The following ZNF438 variants were observed in gnomAD, a reference collection of about 807,000 sequenced individuals.
ZNF438 encodes zinc finger protein 438.
In ZNF438, 25 loss-of-function variants were observed where a neutral mutation model predicts 38.0. That is an observed-to-expected ratio of 0.66 (90% CI 0.48 to 0.92). ZNF438 has a LOEUF of 0.92. Ranked by LOEUF, ZNF438 falls within the 40% of genes least tolerant of loss-of-function variation. The pLI is 0.00. For missense variants in ZNF438, 1,007 were observed against 999.6 expected (o/e 1.01, Z -0.10); for synonymous variants, 372 against 364.1 (o/e 1.02, Z -0.25).
chr10:30,949,053 C>T (rs1380166263), intron 1 of ZNF438, among the ~76,000 whole-genome samples: 6 of 152,136 alleles, frequency 3.9e-5, no homozygotes, highest in African/African-American at 9.6e-5. Flanking sequence ...GCGGATCTCT[C>T]GGCAGAAACC....
chr10:30,877,161 T>G, intron 3 of ZNF438, 96 bp from the exon 5 acceptor site: 1 of 586,956 alleles, frequency 1.7e-6, no homozygotes, highest in Non-Finnish European at 2.7e-6. Flanking sequence ...TTTTTAAAGT[T>G]TGTTTTATAA....
chr10:30,880,497 A>G (rs1276421984), intron 3 of ZNF438, among the ~76,000 whole-genome samples: 10 of 152,028 alleles, frequency 6.6e-5, no homozygotes, highest in Non-Finnish European at 1.3e-4. Context: ...AAGACAATAA[A>G]CAATAATAAC....
At chr10:30,950,726 TA>T (rs1446548232) in intron 1 of ZNF438, among the ~76,000 whole-genome samples, 10 of 140,266 alleles carry the variant, frequency 7.1e-5, no homozygotes, top group Admixed American at 5.0e-4. Flanking sequence ...AATAGACCAA[TA>T]ACAGGATCTG....
intron 1 of ZNF438, among the ~76,000 whole-genome samples, chr10:30,962,820 T>C (rs1460923153): frequency 8.5e-6 from 1 of 117,112 alleles, no homozygotes; most frequent in Non-Finnish European, 2.2e-5. Context: ...GACTAAAATA[T>C]AAAATAAAAA....
chr10:31,015,775 G>T (rs547408012), intron 1 of ZNF438, among the ~76,000 whole-genome samples: 104 of 152,346 alleles, frequency 6.8e-4, no homozygotes, highest in Admixed American at 1.6e-3. Flanking sequence ...TCTGGAGGCT[G>T]CAGTCTAAGA....
intron 3 of ZNF438, among the ~76,000 whole-genome samples, chr10:30,894,689 G>A (rs80266766): frequency 0.085 from 12,940 of 151,900 alleles, 629 homozygotes; most frequent in Non-Finnish European, 0.11. Flanking sequence ...AAGGAACAAT[G>A]GCAACATTAT....
At chr10:31,018,642 C>A (rs2056376579) in intron 1 of ZNF438, among the ~76,000 whole-genome samples, 1 of 152,188 alleles carries the variant, frequency 6.6e-6, no homozygotes, top group Non-Finnish European at 1.5e-5. Context: ...AGGCTATGGG[C>A]TAAACTGCTG....
rs74573003 is a variant in ZNF438 at position 30,893,097 on chromosome 10, A to G, written c.-32+15836T>C. Among the ~76,000 whole-genome samples the G allele has an allele frequency of 4.0e-3, 612 of 152,344 alleles. 7 individuals carry two copies. Among genetic ancestry groups the G allele is most frequent in the African/African-American group, 0.014 (574 of 41,578 alleles). On this transcript the variant is annotated intron_variant, in intron 3 of 5. Coordinates refer to ENST00000413025, the Ensembl canonical transcript of ZNF438. The stretch of plus-strand genomic sequence containing the variant: ...TCTAGATTTTGCCAAACTGTCCTTC[A>G]AAGAAGTTGCACTGATTTATCTAAC...
At chr10:30,921,524 C>T (rs984837282) in intron 2 of ZNF438, among the ~76,000 whole-genome samples, 3 of 152,136 alleles carry the variant, frequency 2.0e-5, no homozygotes, top group Non-Finnish European at 4.4e-5. Flanking sequence ...TTCTGGCTCC[C>T]TCCCAAAATT....
At chr10:30,931,647 A>G (rs1292240505) in intron 2 of ZNF438, among the ~76,000 whole-genome samples, 1 of 152,230 alleles carries the variant, frequency 6.6e-6, no homozygotes. Context: ...TATCTTTGAG[A>G]ATGAAGTGTA....
exon 6 of ZNF438, chr10:30,844,764 A>C: frequency 1.6e-6 from 1 of 643,880 alleles, no homozygotes; most frequent in African/African-American, 1.8e-5. Context: ...ATAAGACTGC[A>C]TATAGTTAGA....
At chr10:30,943,151 A>G (rs928365446) in intron 1 of ZNF438, among the ~76,000 whole-genome samples, 2 of 152,206 alleles carry the variant, frequency 1.3e-5, no homozygotes, top group African/African-American at 4.8e-5. Context: ...AACAGGAAGA[A>G]ATACAAGGGA....
intron 1 of ZNF438, among the ~76,000 whole-genome samples, chr10:31,028,897 G>T (rs773721570): frequency 1.3e-5 from 2 of 152,182 alleles, no homozygotes; most frequent in Admixed American, 6.5e-5. Context: ...CAGTCAGGTC[G>T]TAATCAAAGA....
intron 4 of ZNF438, among the ~76,000 whole-genome samples, chr10:30,867,873 T>A: frequency 6.6e-6 from 1 of 152,160 alleles, no homozygotes; most frequent in Non-Finnish European, 1.5e-5. Context: ...CTGTCAACAT[T>A]AGAATATGAA....
At chr10:30,933,245 T>C (rs2045886795) in intron 2 of ZNF438, among the ~76,000 whole-genome samples, 1 of 152,220 alleles carries the variant, frequency 6.6e-6, no homozygotes, top group African/African-American at 2.4e-5. Context: ...AGGGGTGTTA[T>C]AGGTTACAAC....
chr10:30,918,587 A>T (rs1375882983), intron 2 of ZNF438, among the ~76,000 whole-genome samples: 2 of 152,008 alleles, frequency 1.3e-5, no homozygotes, highest in Non-Finnish European at 2.9e-5. Context: ...TCGCATTTTC[A>T]CTCCTTGGAA....
At chr10:30,976,404 G>A (rs1169328025) in intron 1 of ZNF438, among the ~76,000 whole-genome samples, 1 of 152,086 alleles carries the variant, frequency 6.6e-6, no homozygotes, top group African/African-American at 2.4e-5. Context: ...TATAAACTAA[G>A]GTAGCAATAT....
At chr10:30,979,489 A>G (rs2051848102) in intron 1 of ZNF438, among the ~76,000 whole-genome samples, 1 of 152,238 alleles carries the variant, frequency 6.6e-6, no homozygotes, top group South Asian at 2.1e-4. Context: ...AGCTGGAGGC[A>G]TCATGCTACC....
intron 2 of ZNF438, among the ~76,000 whole-genome samples, chr10:30,940,416 G>C (rs529229488): frequency 6.6e-6 from 1 of 152,234 alleles, no homozygotes; most frequent in Non-Finnish European, 1.5e-5. Flanking sequence ...ATCAGAGAAC[G>C]TGTCATAGAG....
Sources: gnomAD v4.1 joint callset for allele counts (sites outside exome capture counted in the v4.1 genomes callset) on GRCh38, gnomAD v4.1.1 for gene constraint, MANE v1.5 for transcripts, NCBI Gene and HGNC (gene_info 2026-07-23, HGNC 2026-07-21) for gene names.